The following PLAG1 variants were observed in gnomAD, a reference collection of about 807,000 sequenced individuals.
The protein encoded by PLAG1 is zinc finger protein PLAG1.
In PLAG1, 7 loss-of-function variants were observed where a neutral mutation model predicts 35.5. The ratio of observed to expected loss-of-function variants is 0.20; its 90% CI spans 0.11 to 0.37. PLAG1 has a LOEUF of 0.37. Ranked by LOEUF, PLAG1 falls within the 10% of genes least tolerant of loss-of-function variation. The probability of loss-of-function intolerance (pLI) is 1.00; values close to 1 mark genes in which losing one functional copy is unlikely to be tolerated. For synonymous variants in PLAG1, 229 were observed against 225.4 expected, an observed-to-expected ratio of 1.02 and a Z score of -0.14; for missense variants, 454 against 602.8, an observed-to-expected ratio of 0.75 and a Z score of 2.58.
chr8:56,181,328 C>G (rs909276456), intron 1 of PLAG1, among the ~76,000 whole-genome samples: 1 of 152,160 alleles, frequency 6.6e-6, no homozygotes, highest in African/African-American at 2.4e-5. Context: ...AAATGTCCAT[C>G]AATGATAGAC....
intron 2 of PLAG1, 97 bp downstream of exon 2, chr8:56,179,312 C>G (rs73594301): frequency 0.015 from 2,463 of 163,508 alleles, 78 homozygotes; most frequent in African/African-American, 0.056. Flanking sequence ...ATGTGGCATG[C>G]TTTTCAAAGC....
chr8:56,202,793 A>G (rs1279723521), intron 1 of PLAG1, among the ~76,000 whole-genome samples: 1 of 152,206 alleles, frequency 6.6e-6, no homozygotes, highest in Non-Finnish European at 1.5e-5. Flanking sequence ...GAATAACATG[A>G]TCTTGAGAAC....
Position 56,168,109 on chromosome 8 carries a change from T to C in PLAG1, c.161A>G (p.Tyr54Cys), listed in dbSNP as rs1021012333. 2 of 1,612,724 alleles carry C rather than the reference T, an allele frequency of 1.2e-6. No homozygotes were observed. The highest frequency in any genetic ancestry group is 2.7e-5 in the African/African-American group (2 of 74,910). ...GTAGGGCCTCTCTCCTGTGTGAGAGTAGGAGTGAACCTTTAATTTCTCAAC... is the reference window on the plus strand; with the variant it reads ...GTAGGGCCTCTCTCCTGTGTGAGAGCAGGAGTGAACCTTTAATTTCTCAAC... ...NSVEKLKVHS[Y>C]SHTGERPYKC... The change falls in exon 4 of 5, where the codon TAC becomes TGC. Residue 54 changes from tyrosine to cysteine, a missense_variant. This residue lies in a region of PLAG1 where 170 missense variants were observed against 226.3 expected (regional missense o/e 0.75). Coordinates refer to ENST00000316981, the MANE Select transcript of PLAG1 (RefSeq NM_002655.3).
At position 56,167,620 on chromosome 8, in the gene PLAG1, G is replaced by A; in HGVS notation, c.243-117C>T. 1.5e-6 allele frequency: 1 copy of A among 677,366 alleles called. No homozygotes were observed. The highest frequency in any genetic ancestry group is 2.0e-5 in the South Asian group (1 of 50,930). 42.0% of individuals were successfully genotyped at this position (677,366 alleles called of 1,614,324 possible). A position where few individuals can be genotyped will look rare whatever the true frequency, so the allele number is the denominator to read the frequency against. On this transcript the variant is annotated intron_variant, in intron 4 of 4. Transcript: ENST00000316981. The surrounding 1 kb of genome is among the most constrained non-coding windows in gnomAD (Gnocchi z 5.9). ...CAGAATTCCCTTAGTAATGGAAACT[G>A]TTTAACTTAATATATACCACGAGGA...
intron 1 of PLAG1, among the ~76,000 whole-genome samples, chr8:56,194,108 G>GT (rs767558506): frequency 4.6e-5 from 7 of 151,998 alleles, no homozygotes; most frequent in Non-Finnish European, 1.0e-4. Flanking sequence ...TAGGCTAGCA[G>GT]TTTGAGACCA....
intron 2 of PLAG1, chr8:56,178,081 G>C (rs550164283): frequency 2.0e-6 from 1 of 510,572 alleles, no homozygotes; most frequent in East Asian, 1.5e-4. Context: ...TGGAACTACA[G>C]GTTGATCATG....
intron 1 of PLAG1, among the ~76,000 whole-genome samples, chr8:56,187,055 T>G (rs1455500260): frequency 2.0e-5 from 3 of 152,166 alleles, no homozygotes; most frequent in African/African-American, 4.8e-5. Context: ...GCCTTTGCAG[T>G]GTTTGCTGAC....
Position 56,166,075 on chromosome 8 carries a change from CA to C in PLAG1, c.*167del. 1 of 432,034 alleles carries C rather than the reference CA, an allele frequency of 2.3e-6. No individual in the cohort carries two copies. The highest frequency in any genetic ancestry group is 3.8e-5 in the Admixed American group (1 of 26,526). The allele number at this position is 432,034 out of a possible 1,614,324, so 26.8% of individuals were successfully genotyped here. A position where few individuals can be genotyped will look rare whatever the true frequency, so the allele number is the denominator to read the frequency against. ...AAACTTAACTGAACACAAATGGTTC[CA>C]AAGCTCAGTTTAAAAGCTAGTTTCT... On this transcript the variant is annotated 3_prime_UTR_variant, in exon 5 of 5. Coordinates refer to ENST00000316981, the MANE Select transcript of PLAG1 (RefSeq NM_002655.3).
rs1238802527 is a variant in PLAG1, at chr8:56,164,315, T to C, written c.*1928A>G. The stretch of plus-strand genomic sequence containing the variant: ...CTTTGATTCTATGAAGTGCGGTATG[T>C]GTGCATGTGTGTGTGTGTGTGTATT... On this transcript the variant is annotated 3_prime_UTR_variant, in exon 5 of 5. Transcript: ENST00000316981. The C allele has an allele frequency of 4.6e-6, 1 of 217,152 alleles. No individual in the cohort carries two copies. Among genetic ancestry groups the C allele is most frequent in the Non-Finnish European group, 9.2e-6 (1 of 108,222 alleles). The allele number at this position is 217,152 out of a possible 1,614,324, so 13.5% of individuals were successfully genotyped here. A position where few individuals can be genotyped will look rare whatever the true frequency, so the allele number is the denominator to read the frequency against.
intron 1 of PLAG1, among the ~76,000 whole-genome samples, chr8:56,181,208 C>T (rs2129228348): frequency 6.6e-6 from 1 of 152,274 alleles, no homozygotes; most frequent in Admixed American, 6.5e-5. Context: ...CCAGCAATCC[C>T]ATTACTGGGT....
At position 56,211,266 on chromosome 8, in the gene PLAG1, G is replaced by C. The variant is rs1812905268; in HGVS notation, c.-467C>G. ...ACGCCTCTTTCCAGCAGCCATTGTAGTGTATGCGCTGCCCCTGCAGCCCAA... is the reference window on the plus strand; with the variant it reads ...ACGCCTCTTTCCAGCAGCCATTGTACTGTATGCGCTGCCCCTGCAGCCCAA... On this transcript the variant is annotated 5_prime_UTR_variant, in exon 1 of 5. Transcript: ENST00000316981. The C allele has an allele frequency of 5.8e-6, 1 of 172,476 alleles. No homozygotes were observed. Among genetic ancestry groups the C allele is most frequent in the Non-Finnish European group, 1.2e-5 (1 of 84,182 alleles). The allele number at this position is 172,476 out of a possible 1,614,324, so 10.7% of individuals were successfully genotyped here. A position where few individuals can be genotyped will look rare whatever the true frequency, so the allele number is the denominator to read the frequency against.
chr8:56,161,665 A>G lies in PLAG1; in HGVS notation c.*4578T>C, dbSNP rs1435509401. ...GTGGTGTAAAAGTTTGTTAATGACA[A>G]ATTAAGTCACAGTATAAAAATATAT... On this transcript the variant is annotated 3_prime_UTR_variant, in exon 5 of 5. Coordinates refer to ENST00000316981, the MANE Select transcript of PLAG1 (RefSeq NM_002655.3). 2.2e-5 allele frequency: 5 copies of G among 227,594 alleles called. No homozygotes were observed. The highest frequency in any genetic ancestry group is 8.8e-6 in the Non-Finnish European group (1 of 114,260). The allele number at this position is 227,594 out of a possible 1,614,324, so 14.1% of individuals were successfully genotyped here.
At chr8:56,181,295 T>C (rs1032693568) in intron 1 of PLAG1, among the ~76,000 whole-genome samples, 9 of 152,210 alleles carry the variant, frequency 5.9e-5, no homozygotes, top group East Asian at 1.9e-4. Context: ...CTGTTCACAA[T>C]AGCAAAGACT....
At chr8:56,197,627 A>G (rs1475017307) in intron 1 of PLAG1, among the ~76,000 whole-genome samples, 1 of 152,220 alleles carries the variant, frequency 6.6e-6, no homozygotes, top group African/African-American at 2.4e-5. Context: ...ACAGACAGAT[A>G]CAGCCTCCCA....
chr8:56,180,049 G>A (rs1435749904), intron 1 of PLAG1, among the ~76,000 whole-genome samples: 1 of 152,148 alleles, frequency 6.6e-6, no homozygotes, highest in African/African-American at 2.4e-5. Flanking sequence ...TCTTTATGAT[G>A]CGATTATTGC....
In PLAG1 at chr8:56,165,415, TAA is replaced by T. The variant is rs996000934; in HGVS notation, c.*826_*827del. Reference sequence around the variant, plus strand: ...CTTGGATGTGAAAGGTGGAAAAGACTAAAGAGATCTACCTATATATCGACTCT... The same window carrying T: ...CTTGGATGTGAAAGGTGGAAAAGACTAGAGATCTACCTATATATCGACTCT... On this transcript the variant is annotated 3_prime_UTR_variant, in exon 5 of 5. Coordinates refer to ENST00000316981, the MANE Select transcript of PLAG1 (RefSeq NM_002655.3). 1.6e-4 allele frequency: 35 copies of T among 217,708 alleles called. No homozygotes were observed. The highest frequency in any genetic ancestry group is 7.2e-4 in the African/African-American group (32 of 44,510). The allele number at this position is 217,708 out of a possible 1,614,324, so 13.5% of individuals were successfully genotyped here. A position where few individuals can be genotyped will look rare whatever the true frequency, so the allele number is the denominator to read the frequency against.
At chr8:56,208,576 T>C (rs1812762482) in intron 1 of PLAG1, among the ~76,000 whole-genome samples, 1 of 152,192 alleles carries the variant, frequency 6.6e-6, no homozygotes, top group African/African-American at 2.4e-5. Context: ...AAAAACATTC[T>C]ATATAAGAAG....
At chr8:56,205,494 G>A (rs934110774) in intron 1 of PLAG1, among the ~76,000 whole-genome samples, 4 of 151,566 alleles carry the variant, frequency 2.6e-5, no homozygotes, top group Non-Finnish European at 4.4e-5. Context: ...ATATTCTTTG[G>A]TAGATCTCCC....
At chr8:56,177,814 G>T (rs900539052) in intron 2 of PLAG1, among the ~76,000 whole-genome samples, 2 of 152,174 alleles carry the variant, frequency 1.3e-5, no homozygotes, top group African/African-American at 4.8e-5. Flanking sequence ...AAGCCCCAGA[G>T]AAATACATGG....
Sources: allele counts gnomAD v4.1 joint callset (sites outside exome capture counted in the v4.1 genomes callset), GRCh38; gene constraint gnomAD v4.1.1; regional missense constraint gnomAD v4.1.1; non-coding constraint Gnocchi (gnomAD v3.1); transcripts MANE v1.5; gene names NCBI Gene and HGNC (gene_info 2026-07-23, HGNC 2026-07-21).